Variants in ACADL observed in about 807,000 individuals in gnomAD.
ACADL encodes acyl-CoA dehydrogenase long chain.
Under a neutral mutation model 56.9 loss-of-function variants are expected in ACADL, and 60 were observed. The observed-to-expected ratio is 1.05, with a 90% CI of 0.86 to 1.31. ACADL has a LOEUF of 1.31. ACADL is among the 50% of genes most tolerant of loss of function. ACADL has a pLI of 0.00. For synonymous variants in ACADL, 158 were observed against 179.7 expected, an observed-to-expected ratio of 0.88 and a Z score of 0.97; for missense variants, 484 against 525.5, an observed-to-expected ratio of 0.92 and a Z score of 0.77.
chr2:210,204,863 T>G (rs1235591817), intron 6 of ACADL, among the ~76,000 whole-genome samples, 181 bp from the exon 7 acceptor site: 1 of 152,230 alleles, frequency 6.6e-6, no homozygotes, highest in Admixed American at 6.5e-5. Flanking sequence ...CACAGCCATC[T>G]GATTCTAAAC....
Position 210,188,963 on chromosome 2 carries a change from A to T in ACADL, c.1291T>A (p.Ter431LysextTer12). The T allele has an allele frequency of 6.2e-7, 1 of 1,609,136 alleles. No homozygotes were observed. The highest frequency in any genetic ancestry group is 8.5e-7 in the Non-Finnish European group (1 of 1,175,640). The part of the protein sequence containing the change: ...LIAREIVFDK[*>K] ...GACTCCAGGATGTGGGCAGATGTCTACTTGTCAAAGACAATCTCTCTTGCA... is the reference window on the plus strand; with the variant it reads ...GACTCCAGGATGTGGGCAGATGTCTTCTTGTCAAAGACAATCTCTCTTGCA... The change falls in exon 11 of 11, where the codon TAG becomes AAG. Residue 431 changes from the stop codon to lysine, a stop_lost. Coordinates refer to ENST00000233710, the MANE Select transcript of ACADL (RefSeq NM_001608.4).
At chr2:210,206,262 GAC>G (rs1258232681) in intron 5 of ACADL, among the ~76,000 whole-genome samples, 2 of 151,550 alleles carry the variant, frequency 1.3e-5, no homozygotes, top group Non-Finnish European at 2.9e-5. Context: ...AAATAGTAGA[GAC>G]AAAAAAATTA....
At chr2:210,224,777 C>G (rs1689238691) in intron 1 of ACADL, 1 of 992,816 alleles carries the variant, frequency 1.0e-6, no homozygotes, top group Non-Finnish European at 1.2e-6. Flanking sequence ...GTTCACAGCT[C>G]GAACTGGGAC....
intron 1 of ACADL, chr2:210,224,719 T>TCC (rs1689237405): frequency 1.0e-6 from 1 of 987,238 alleles, no homozygotes; most frequent in Non-Finnish European, 1.2e-6. Context: ...TGAGTCCGGG[T>TCC]CCCAAGTTCA....
intron 4 of ACADL, among the ~76,000 whole-genome samples, chr2:210,216,117 A>G (rs1689082130): frequency 6.6e-6 from 1 of 152,180 alleles, no homozygotes; most frequent in Admixed American, 6.5e-5. Context: ...TATGGTGAAA[A>G]TTCAACTTAC....
intron 8 of ACADL, among the ~76,000 whole-genome samples, chr2:210,200,216 C>G (rs1373700847): frequency 6.6e-6 from 1 of 152,078 alleles, no homozygotes; most frequent in Non-Finnish European, 1.5e-5. Context: ...TAGAGTTACA[C>G]CCATCAAATT....
chr2:210,209,603 C>T (rs1575677431), intron 5 of ACADL: 1 of 151,960 alleles, frequency 6.6e-6, no homozygotes. Flanking sequence ...AAGTGATTCT[C>T]CCTCTTCAGC....
chr2:210,216,122 A>G (rs1215332637), intron 4 of ACADL, among the ~76,000 whole-genome samples: 14 of 152,218 alleles, frequency 9.2e-5, no homozygotes, highest in Non-Finnish European at 8.8e-5. Context: ...TGAAAATTCA[A>G]CTTACACACT....
Position 210,188,492 on chromosome 2 carries a change from A to C in ACADL, c.*469T>G, listed in dbSNP as rs2125706864. ...CATTGCTTAAAAACGGGGTTGGAGTACAGTGGTAAAAACCACTGTTCTAGG... is the reference window on the plus strand; with the variant it reads ...CATTGCTTAAAAACGGGGTTGGAGTCCAGTGGTAAAAACCACTGTTCTAGG... On this transcript the variant is annotated 3_prime_UTR_variant, in exon 11 of 11. Transcript: ENST00000233710. The C allele has an allele frequency of 6.2e-6, 1 of 162,056 alleles. No individual in the cohort carries two copies. Among genetic ancestry groups the C allele is most frequent in the East Asian group, 1.8e-4 (1 of 5,534 alleles). 10.0% of individuals were successfully genotyped at this position (162,056 alleles called of 1,614,324 possible).
chr2:210,195,915 A>G (rs1414446027), intron 8 of ACADL, among the ~76,000 whole-genome samples: 1 of 152,126 alleles, frequency 6.6e-6, no homozygotes, highest in African/African-American at 2.4e-5. Flanking sequence ...TACTAAAGAG[A>G]TCAAAATCCA....
intron 4 of ACADL, among the ~76,000 whole-genome samples, chr2:210,214,071 A>G (rs1056246819): frequency 8.5e-5 from 13 of 152,280 alleles, no homozygotes; most frequent in African/African-American, 2.6e-4. Flanking sequence ...TGCTAAAGTA[A>G]TACAACATAC....
At chr2:210,221,727 C>CTT (rs35816930) in intron 1 of ACADL, among the ~76,000 whole-genome samples, 28 of 140,212 alleles carry the variant, frequency 2.0e-4, no homozygotes, top group South Asian at 4.5e-4. Flanking sequence ...TGTTTCTTTC[C>CTT]TTTTTTTTTT....
At chr2:210,225,048 C>CTCT in intron 1 of ACADL, 139 bp downstream of exon 1, 1 of 1,491,004 alleles carries the variant, frequency 6.7e-7, no homozygotes, top group African/African-American at 1.4e-5. Context: ...AGGAGGCCAG[C>CTCT]TCTAGCCCGG....
In ACADL at chr2:210,203,353, C is replaced by T; in HGVS notation, c.962G>A (p.Gly321Asp). ...RNYVKQRKAF[G>D]KTVAHLQTVQ... ...TACCTGTAGGTGAGCAACTGTTTTG[C>T]CAAAAGCTTTTCTTTGTTTAACATA... Residue 321 changes from glycine to aspartate, a missense_variant, in exon 8 of 11, where the codon GGC (glycine) becomes GAC (aspartate). By Grantham distance (94) the Gly-to-Asp change is moderately conservative. Transcript: ENST00000233710. 1.2e-6 allele frequency: 2 copies of T among 1,611,914 alleles called. No homozygotes were observed. The highest frequency in any genetic ancestry group is 1.7e-6 in the Non-Finnish European group (2 of 1,178,332).
chr2:210,196,044 C>T (rs115359859), intron 8 of ACADL, among the ~76,000 whole-genome samples: 2,343 of 152,096 alleles, frequency 0.015, 70 homozygotes, highest in African/African-American at 0.054. Flanking sequence ...GTGGGAGGGA[C>T]GTGGTGGGAG....
Position 210,210,276 on chromosome 2 carries a change from A to G in ACADL, c.537-14T>C, listed in dbSNP as rs1688957592. 1 of 1,568,412 alleles carries G rather than the reference A, an allele frequency of 6.4e-7. No homozygotes were observed. Among genetic ancestry groups the G allele is most frequent in the Non-Finnish European group, 8.8e-7 (1 of 1,139,892 alleles). ...CCCTGTAAGTCACTGTAATTGAAAGAAAAGATAAAAAATTCATCAAATGAT... is the reference window on the plus strand; with the variant it reads ...CCCTGTAAGTCACTGTAATTGAAAGGAAAGATAAAAAATTCATCAAATGAT... On this transcript the variant is annotated splice_polypyrimidine_tract_variant and intron_variant, in intron 4 of 10. Coordinates refer to ENST00000233710, the MANE Select transcript of ACADL (RefSeq NM_001608.4).
intron 8 of ACADL, among the ~76,000 whole-genome samples, chr2:210,199,456 T>C (rs547872914): frequency 6.6e-6 from 1 of 152,192 alleles, no homozygotes; most frequent in South Asian, 2.1e-4. Flanking sequence ...GTTATTTATT[T>C]TTTGCTATTA....
intron 5 of ACADL, among the ~76,000 whole-genome samples, chr2:210,208,320 T>C (rs1423329364): frequency 6.6e-6 from 1 of 152,230 alleles, no homozygotes; most frequent in African/African-American, 2.4e-5. Context: ...CCAGAAGTTC[T>C]TATTGGAAGT....
At chr2:210,205,553 G>T in intron 6 of ACADL, 79 bp downstream of exon 6, 1 of 1,415,294 alleles carries the variant, frequency 7.1e-7, no homozygotes, top group Non-Finnish European at 9.9e-7. Context: ...TGTGCCACAT[G>T]TAATCCTCTA....
Sources: gnomAD v4.1 joint callset for allele counts (sites outside exome capture counted in the v4.1 genomes callset) on GRCh38, gnomAD v4.1.1 for gene constraint, MANE v1.5 for transcripts, NCBI Gene and HGNC (gene_info 2026-07-23, HGNC 2026-07-21) for gene names.